RBM20: variants seen among roughly 807,000 people sequenced by gnomAD.
RBM20 encodes RNA-binding protein 20.
A neutral mutation model predicts 110.1 loss-of-function variants in RBM20; 51 were observed. That is an observed-to-expected ratio of 0.46 (90% CI 0.37 to 0.59). The LOEUF is 0.59. Ranked by LOEUF, RBM20 falls within the 20% of genes least tolerant of loss-of-function variation. The pLI is 0.00. For missense variants in RBM20, 1,512 were observed against 1,574.9 expected, an observed-to-expected ratio of 0.96 and a Z score of 0.68; for synonymous variants, 589 against 618.2, an observed-to-expected ratio of 0.95 and a Z score of 0.70.
chr10:110,743,763 G>A (rs1016825839), intron 1 of RBM20, among the ~76,000 whole-genome samples: 7 of 152,032 alleles, frequency 4.6e-5, no homozygotes, highest in Admixed American at 1.3e-4. Flanking sequence ...CCACAGATGC[G>A]CACCATCACA....
intron 1 of RBM20, among the ~76,000 whole-genome samples, chr10:110,776,265 C>T (rs1249850201): frequency 2.0e-5 from 3 of 152,188 alleles, no homozygotes; most frequent in Middle Eastern, 6.3e-3. Flanking sequence ...CCTACCACCG[C>T]CTCTCTAGTG....
chr10:110,775,274 G>A (rs553239895), intron 1 of RBM20, among the ~76,000 whole-genome samples: 5 of 152,172 alleles, frequency 3.3e-5, no homozygotes, highest in South Asian at 4.1e-4. Flanking sequence ...AAGAAATGGC[G>A]CATTCACCAC....
chr10:110,743,215 G>T (rs748882232), intron 1 of RBM20, among the ~76,000 whole-genome samples: 12 of 152,200 alleles, frequency 7.9e-5, no homozygotes, highest in Non-Finnish European at 1.5e-4. Context: ...AGGCTTATGA[G>T]CTTAGAGGCT....
intron 1 of RBM20, among the ~76,000 whole-genome samples, chr10:110,727,139 C>G (rs1243954871): frequency 7.1e-6 from 1 of 140,820 alleles, no homozygotes; most frequent in Non-Finnish European, 1.5e-5. Flanking sequence ...TCACTGCACC[C>G]AGCCTTTTTT....
intron 1 of RBM20, among the ~76,000 whole-genome samples, chr10:110,654,729 T>G (rs1861997050): frequency 6.6e-6 from 1 of 152,064 alleles, no homozygotes. Context: ...TATGTATGGG[T>G]GAAAAAGGTG....
At chr10:110,643,984 G>A (rs547555121), upstream of RBM20, among the ~76,000 whole-genome samples, 1,058 of 152,312 alleles carry the variant, frequency 6.9e-3, 5 homozygotes, top group Non-Finnish European at 0.011. Context: ...ACAGCCGGAG[G>A]ACTCAGGGCT....
chr10:110,682,331 A>T (rs1177532586), intron 1 of RBM20, among the ~76,000 whole-genome samples: 2 of 152,146 alleles, frequency 1.3e-5, no homozygotes, highest in Non-Finnish European at 2.9e-5. Context: ...ATTTTTGAAG[A>T]GTATTGGTCA....
In RBM20 at chr10:110,760,337, G is replaced by T. The variant is rs537483879; in HGVS notation, c.192-20464G>T. On this transcript the variant is annotated intron_variant, in intron 1 of 13. Coordinates refer to ENST00000369519, the MANE Select transcript of RBM20 (RefSeq NM_001134363.3). ...ATCCCTTCTCCCTTCTTGGGAAAGG[G>T]GCTGTGTTAGACACTTTCATCTGAG... is the stretch of plus-strand genomic sequence containing the variant. Among the ~76,000 whole-genome samples, 3 of 151,742 alleles carry T rather than the reference G, an allele frequency of 2.0e-5. No individual in the cohort carries two copies. The South Asian group carries it at 6.2e-4, about 32-fold the overall frequency.
chr10:110,667,273 C>G (rs1351967523), intron 1 of RBM20, among the ~76,000 whole-genome samples: 1 of 152,182 alleles, frequency 6.6e-6, no homozygotes, highest in African/African-American at 2.4e-5. Flanking sequence ...TTTGGACATC[C>G]CTGTGACGTG....
intron 11 of RBM20, chr10:110,822,281 G>A: frequency 2.4e-6 from 1 of 421,974 alleles, no homozygotes; most frequent in Non-Finnish European, 4.5e-6. Context: ...CCTCGTGCCT[G>A]CACAGCAGAG....
chr10:110,791,538 C>T (rs1156229668), intron 5 of RBM20, among the ~76,000 whole-genome samples: 2 of 152,166 alleles, frequency 1.3e-5, no homozygotes, highest in Non-Finnish European at 2.9e-5. Flanking sequence ...TCTACCTGCA[C>T]CAAGGGGCAA....
rs1439106449 is a variant in RBM20, at chr10:110,812,317, C to T, written c.1920C>T (p.Ser640=). ...GGCCGCGGTCTCGTAGTCCGGTGAG[C>T]CGGTCACTCTCCCCGAGGTCCCACA... ...PERPRSRSPV[S]RSLSPRSHTP... Residue 640 remains serine, a synonymous_variant, in exon 9 of 14, where the codon AGC becomes AGT. Coordinates refer to ENST00000369519, the MANE Select transcript of RBM20 (RefSeq NM_001134363.3). 1.3e-6 allele frequency: 2 copies of T among 1,550,772 alleles called. No homozygotes were observed. The highest frequency in any genetic ancestry group is 1.7e-6 in the Non-Finnish European group (2 of 1,146,606).
chr10:110,828,617 T>C lies in RBM20; in HGVS notation c.3452-2444T>C, dbSNP rs1268863867. On this transcript the variant is annotated intron_variant, in intron 12 of 13. Transcript: ENST00000369519. ...AACACGTGTCTCCAAACCAGTATTT[T>C]TGAGCAACAGGCAAAATGATAGGTG... 2.0e-5 allele frequency among the ~76,000 whole-genome samples: 3 copies of C among 152,182 alleles called. No homozygotes were observed. The East Asian group carries it at 5.8e-4, about 29-fold the overall frequency.
chr10:110,659,020 C>T (rs10749041), intron 1 of RBM20, among the ~76,000 whole-genome samples: 117,704 of 152,050 alleles, frequency 0.77, 46,914 homozygotes, highest in South Asian at 0.86. Flanking sequence ...CTGCCACTCA[C>T]CTTTGCTATC....
Position 110,644,986 on chromosome 10 carries a change from A to C in RBM20, c.191+341A>C, listed in dbSNP as rs1861848211. The stretch of plus-strand genomic sequence containing the variant: ...CTTTCTGGTCCCAAGAGGACGCTGG[A>C]ATGGAGAGTCGTGCGTGAGTGTGTG... On this transcript the variant is annotated intron_variant, in intron 1 of 13. Coordinates refer to ENST00000369519, the MANE Select transcript of RBM20 (RefSeq NM_001134363.3). The surrounding 1 kb of genome is among the most constrained non-coding windows in gnomAD (Gnocchi z 4.3). Among the ~76,000 whole-genome samples the C allele has an allele frequency of 6.6e-6, 1 of 152,064 alleles. No individual in the cohort carries two copies.
intron 1 of RBM20, among the ~76,000 whole-genome samples, chr10:110,688,012 T>C (rs1318351895): frequency 3.3e-5 from 5 of 149,894 alleles, no homozygotes; most frequent in African/African-American, 1.2e-4. Context: ...TGTGTGTGTG[T>C]GTGTGTGTGT....
Position 110,821,536 on chromosome 10 carries a change from G to T in RBM20, c.2917G>T (p.Ala973Ser), listed in dbSNP as rs1844910049. The T allele has an allele frequency of 1.9e-6, 3 of 1,551,634 alleles. No individual in the cohort carries two copies. The highest frequency in any genetic ancestry group is 2.6e-6 in the Non-Finnish European group (3 of 1,146,832). Residue 973 changes from alanine (A) to serine (S), a missense_variant, in exon 11 of 14, where the codon GCT becomes TCT. By Grantham distance (99) the Ala-to-Ser change is moderately conservative. This residue lies in a region of RBM20 where 358 missense variants were observed against 384.2 expected (regional missense o/e 0.93). Transcript: ENST00000369519. The part of the protein sequence containing the change: ...KEGVKAVGNG[A>S]AEISLKSPRE... ...AGGAGTCAAGGCCGTAGGGAATGGG[G>T]CTGCAGAAATCAGCCTCAAGTCACC...
chr10:110,743,115 G>C (rs778733635), intron 1 of RBM20, among the ~76,000 whole-genome samples: 4 of 152,214 alleles, frequency 2.6e-5, no homozygotes, highest in Non-Finnish European at 5.9e-5. Context: ...AAGGAACTCA[G>C]ACACAATGTA....
rs186083042 is a variant in RBM20, at chr10:110,752,146, C to A, written c.192-28655C>A. 1.0e-3 allele frequency among the ~76,000 whole-genome samples: 156 copies of A among 152,286 alleles called. 2 individuals are homozygous for A. The highest frequency in any genetic ancestry group is 3.6e-3 in the African/African-American group (150 of 41,548). On this transcript the variant is annotated intron_variant, in intron 1 of 13. Coordinates refer to ENST00000369519, the MANE Select transcript of RBM20 (RefSeq NM_001134363.3). Reference sequence around the variant, plus strand: ...TGATGACGTGTATCCATCATTATTGCACCATACAGAATAGTTTCACTGCTC... The same window carrying A: ...TGATGACGTGTATCCATCATTATTGAACCATACAGAATAGTTTCACTGCTC...
Sources: allele counts gnomAD v4.1 joint callset (sites outside exome capture counted in the v4.1 genomes callset), GRCh38; gene constraint gnomAD v4.1.1; regional missense constraint gnomAD v4.1.1; non-coding constraint Gnocchi (gnomAD v3.1); transcripts MANE v1.5; gene names NCBI Gene and HGNC (gene_info 2026-07-23, HGNC 2026-07-21).